Variants in GUCY1A2 observed in about 807,000 individuals in gnomAD.
The protein encoded by GUCY1A2 is guanylate cyclase soluble subunit alpha-2.
In GUCY1A2, 27 loss-of-function variants were observed where a neutral mutation model predicts 63.5. That is an observed-to-expected ratio of 0.43 (90% confidence interval 0.31 to 0.59). The LOEUF (loss-of-function observed/expected upper bound fraction) is 0.59, where lower values mean the gene tolerates loss of function less well. Ranked by LOEUF, GUCY1A2 falls within the 20% of genes least tolerant of loss-of-function variation. The probability of loss-of-function intolerance (pLI) is 0.11; values close to 1 mark genes in which losing one functional copy is unlikely to be tolerated. For synonymous variants in GUCY1A2, 364 were observed against 343.5 expected (o/e 1.06, Z -0.66); for missense variants, 768 against 913.3 (o/e 0.84, Z 2.05).
At chr11:106,933,541 T>A (rs1860634218) in intron 4 of GUCY1A2, among the ~76,000 whole-genome samples, 1 of 152,312 alleles carries the variant, frequency 6.6e-6, no homozygotes, top group East Asian at 1.9e-4. Flanking sequence ...GTTTGGAGAT[T>A]TCTCAAAGAA....
Position 106,940,090 on chromosome 11 carries a change from T to C in GUCY1A2, c.576A>G (p.Val192=). 1 of 1,612,956 alleles carries C rather than the reference T, an allele frequency of 6.2e-7. No individual in the cohort carries two copies. The highest frequency in any genetic ancestry group is 8.5e-7 in the Non-Finnish European group (1 of 1,178,928). Residue 192 remains valine, a synonymous_variant, in exon 4 of 8, where the codon GTA becomes GTG. Transcript: ENST00000526355. ...TAAAAAAGTCCTGCAAAGTGCCACC[T>C]ACAGCTCGAAGGACTCTCTCATTCT... ...FHENERVLRA[V]GGTLQDFFNG... is the part of the protein sequence containing the mutation.
intron 5 of GUCY1A2, among the ~76,000 whole-genome samples, chr11:106,798,053 C>G (rs1864799144): frequency 1.3e-5 from 2 of 152,082 alleles, no homozygotes; most frequent in Admixed American, 6.6e-5. Context: ...AAAGAAGAAT[C>G]AAATAGACGC....
rs1565314389 is a variant in GUCY1A2 at position 106,866,358 on chromosome 11, A to AT, written c.1207-55881_1207-55880insA. Among the ~76,000 whole-genome samples, 9 of 152,200 alleles carry AT rather than the reference A, an allele frequency of 5.9e-5. No individual in the cohort carries two copies. In the South Asian group the frequency reaches 1.0e-3, roughly 18 times the overall value. On this transcript the variant is annotated intron_variant, in intron 4 of 7. Transcript: ENST00000526355. ...CTCCTGTTAGACTAATGAGTCACAA[A>AT]ACATTTCCTAAGGAAGCATATTTGT...
At chr11:106,709,307 TTA>T (rs1194728780) in intron 6 of GUCY1A2, among the ~76,000 whole-genome samples, 6 of 67,520 alleles carry the variant, frequency 8.9e-5, no homozygotes, top group South Asian at 4.5e-4. Context: ...ATTTTTATAT[TTA>T]TATATATTTA....
chr11:106,702,049 C>T (rs147923052), intron 7 of GUCY1A2, among the ~76,000 whole-genome samples: 347 of 152,198 alleles, frequency 2.3e-3, no homozygotes, highest in African/African-American at 8.0e-3. Context: ...TTATGACTCC[C>T]GCACTTATTT....
At chr11:107,004,675 T>C (rs189396871) in intron 1 of GUCY1A2, among the ~76,000 whole-genome samples, 140 of 152,260 alleles carry the variant, frequency 9.2e-4, no homozygotes, top group Non-Finnish European at 1.8e-3. Context: ...TAATTTATGA[T>C]AGTGAAGCTA....
intron 6 of GUCY1A2, among the ~76,000 whole-genome samples, chr11:106,739,558 A>G (rs745658985): frequency 2.0e-5 from 3 of 152,180 alleles, no homozygotes; most frequent in East Asian, 1.9e-4. Flanking sequence ...CTTGCCTACA[A>G]CCTAAGGGCA....
intron 4 of GUCY1A2, among the ~76,000 whole-genome samples, chr11:106,923,688 A>G (rs1860480502): frequency 6.6e-6 from 1 of 152,178 alleles, no homozygotes; most frequent in African/African-American, 2.4e-5. Flanking sequence ...GTAACAATAT[A>G]TGAAAACTAT....
chr11:106,808,210 A>G (rs1261928124), intron 5 of GUCY1A2, among the ~76,000 whole-genome samples: 1 of 149,344 alleles, frequency 6.7e-6, no homozygotes, highest in African/African-American at 2.5e-5. Flanking sequence ...TAATTGCAAA[A>G]TTTCCTAAAC....
intron 3 of GUCY1A2, among the ~76,000 whole-genome samples, chr11:106,976,884 C>A (rs1355675209): frequency 6.6e-6 from 1 of 152,138 alleles, no homozygotes; most frequent in African/African-American, 2.4e-5. Flanking sequence ...CTTAGGGCAA[C>A]CTTCGAAGGG....
intron 3 of GUCY1A2, among the ~76,000 whole-genome samples, chr11:106,951,578 G>A (rs987474233): frequency 2.0e-5 from 3 of 152,092 alleles, no homozygotes; most frequent in Non-Finnish European, 4.4e-5. Flanking sequence ...CCCACTTTAT[G>A]ATGGGGTTGT....
intron 3 of GUCY1A2, among the ~76,000 whole-genome samples, chr11:106,976,316 C>T (rs2120111466): frequency 6.6e-6 from 1 of 152,156 alleles, no homozygotes; most frequent in South Asian, 2.1e-4. Flanking sequence ...TTTCCTGTGC[C>T]ACCCCCCAAC....
intron 4 of GUCY1A2, among the ~76,000 whole-genome samples, chr11:106,869,080 T>A (rs915051930): frequency 6.6e-6 from 1 of 152,216 alleles, no homozygotes; most frequent in Non-Finnish European, 1.5e-5. Context: ...ACTGGATCCC[T>A]TCTTTACACC....
chr11:106,756,768 C>T (rs969671567), intron 6 of GUCY1A2, among the ~76,000 whole-genome samples: 1 of 152,208 alleles, frequency 6.6e-6, no homozygotes, highest in African/African-American at 2.4e-5. Context: ...TTCTCTCTAG[C>T]TGTCCCTAAC....
At chr11:107,010,577 G>T (rs1022008028) in intron 1 of GUCY1A2, among the ~76,000 whole-genome samples, 3 of 152,076 alleles carry the variant, frequency 2.0e-5, no homozygotes, top group Admixed American at 1.3e-4. Context: ...AAACAGGTTC[G>T]CATACTTGAA....
At chr11:107,008,107 A>C (rs1440225951) in intron 1 of GUCY1A2, among the ~76,000 whole-genome samples, 1 of 149,406 alleles carries the variant, frequency 6.7e-6, no homozygotes, top group Non-Finnish European at 1.5e-5. Context: ...AATATGGCGA[A>C]ACCCCTAATA....
chr11:106,763,219 C>T (rs924687061), intron 6 of GUCY1A2, among the ~76,000 whole-genome samples: 2 of 151,852 alleles, frequency 1.3e-5, no homozygotes, highest in South Asian at 2.1e-4. Flanking sequence ...AACAGTTTTG[C>T]GTACATTATT....
At chr11:106,708,766 A>G (rs970632316) in intron 6 of GUCY1A2, 100 bp from the exon 7 acceptor site, 6 of 722,316 alleles carry the variant, frequency 8.3e-6, no homozygotes, top group Non-Finnish European at 1.2e-5. Flanking sequence ...TAATAATAAA[A>G]AAAAACTATG....
intron 5 of GUCY1A2, among the ~76,000 whole-genome samples, chr11:106,799,763 T>C (rs369469476): frequency 6.6e-6 from 1 of 152,180 alleles, no homozygotes; most frequent in African/African-American, 2.4e-5. Context: ...AAGACTTAAA[T>C]GTTAGACCTA....
Sources: gnomAD v4.1 joint callset for allele counts (sites outside exome capture counted in the v4.1 genomes callset) on GRCh38, gnomAD v4.1.1 for gene constraint, MANE v1.5 for transcripts, NCBI Gene and HGNC (gene_info 2026-07-23, HGNC 2026-07-21) for gene names.